VWA8: variants seen among roughly 807,000 people sequenced by gnomAD.
VWA8 encodes the protein von Willebrand factor A domain-containing protein 8.
Under a neutral mutation model 241.5 loss-of-function variants are expected in VWA8, and 221 were observed. That is an observed-to-expected ratio of 0.91 (90% CI 0.82 to 1.02). VWA8 has a LOEUF of 1.02. Ranked by LOEUF, VWA8 falls within the 50% of genes least tolerant of loss-of-function variation. VWA8 has a pLI of 0.00. For synonymous variants in VWA8, 852 were observed against 827.1 expected (o/e 1.03, Z -0.52); for missense variants, 2,322 against 2,328.7 (o/e 1.00, Z 0.06).
At chr13:41,696,501 G>A (rs1040694264) in intron 29 of VWA8, among the ~76,000 whole-genome samples, 7 of 152,118 alleles carry the variant, frequency 4.6e-5, no homozygotes, top group African/African-American at 1.7e-4. Flanking sequence ...CCCCAAATCT[G>A]TAGTGAGTGA....
intron 1 of VWA8, among the ~76,000 whole-genome samples, chr13:41,959,504 A>AC (rs1162562689): frequency 1.1e-4 from 17 of 151,042 alleles, no homozygotes; most frequent in Non-Finnish European, 2.2e-4. Context: ...AAAAAAAAAA[A>AC]AAAAAACAAA....
intron 12 of VWA8, among the ~76,000 whole-genome samples, chr13:41,842,330 G>A (rs1371695794): frequency 1.3e-5 from 2 of 152,072 alleles, no homozygotes; most frequent in Non-Finnish European, 2.9e-5. Context: ...AAAATTATTT[G>A]TAAACTCTTC....
At chr13:41,841,503 T>G (rs970663196) in intron 12 of VWA8, among the ~76,000 whole-genome samples, 15 of 151,818 alleles carry the variant, frequency 9.9e-5, no homozygotes, top group Admixed American at 6.6e-4. Context: ...ATATAAACAG[T>G]AGGCCGGGTG....
intron 20 of VWA8, among the ~76,000 whole-genome samples, chr13:41,774,836 A>T (rs1238582920): frequency 6.6e-6 from 1 of 152,244 alleles, no homozygotes; most frequent in Non-Finnish European, 1.5e-5. Context: ...GATATCACAC[A>T]TATCAATTTA....
In VWA8 at chr13:41,868,235, A is replaced by G. The variant is rs1264929699; in HGVS notation, c.1212+111T>C. 7 of 1,228,196 alleles carry G rather than the reference A, an allele frequency of 5.7e-6. No individual in the cohort carries two copies. The Admixed American group carries it at 1.3e-4, about 22-fold the overall frequency. 76.1% of individuals were successfully genotyped at this position (1,228,196 alleles called of 1,614,324 possible). On this transcript the variant is annotated intron_variant, in intron 10 of 44. Coordinates refer to ENST00000379310, the MANE Select transcript of VWA8 (RefSeq NM_015058.2). ...ACATAGACATATAGATACCGACAGA[A>G]GCAGTACTATCAAGAGAGAAGACTT...
At chr13:41,592,017 G>A (rs1417315671) in intron 40 of VWA8, among the ~76,000 whole-genome samples, 1 of 149,556 alleles carries the variant, frequency 6.7e-6, no homozygotes, top group East Asian at 1.9e-4. Context: ...ACATGCACAC[G>A]TATGTTTATT....
At chr13:41,907,817 G>T in intron 3 of VWA8, 121 bp from the exon 4 acceptor site, 1 of 705,478 alleles carries the variant, frequency 1.4e-6, no homozygotes, top group Non-Finnish European at 2.4e-6. Context: ...CTAATTTTGG[G>T]TTGAAACTTG....
intron 30 of VWA8, among the ~76,000 whole-genome samples, chr13:41,692,376 AT>A (rs952436959): frequency 6.6e-6 from 1 of 151,950 alleles, no homozygotes; most frequent in Non-Finnish European, 1.5e-5. Flanking sequence ...TAAATCCATT[AT>A]TTTTTTCTGA....
chr13:41,734,499 G>A (rs1484178316), intron 21 of VWA8, among the ~76,000 whole-genome samples: 4 of 152,202 alleles, frequency 2.6e-5, no homozygotes, highest in Non-Finnish European at 4.4e-5. Context: ...GTTGCAGTAC[G>A]TACCTTCCCC....
intron 44 of VWA8, 70 bp downstream of exon 44, chr13:41,570,398 T>TA: frequency 1.4e-6 from 2 of 1,404,480 alleles, no homozygotes; most frequent in Non-Finnish European, 2.0e-6. Flanking sequence ...GCTAAGCCTA[T>TA]AAAACAGCAT....
At chr13:41,929,100 C>T (rs1436828672) in intron 2 of VWA8, among the ~76,000 whole-genome samples, 2 of 150,182 alleles carry the variant, frequency 1.3e-5, no homozygotes, top group Non-Finnish European at 3.0e-5. Context: ...AAATAGCCAA[C>T]ATTTCTGAGA....
At chr13:41,801,134 GT>G (rs1267004081) in intron 17 of VWA8, among the ~76,000 whole-genome samples, 1 of 148,488 alleles carries the variant, frequency 6.7e-6, no homozygotes, top group African/African-American at 2.5e-5. Context: ...TTTATTTTTA[GT>G]TTTTCAATTT....
At chr13:41,853,976 T>A (rs1872631865) in intron 12 of VWA8, among the ~76,000 whole-genome samples, 1 of 152,172 alleles carries the variant, frequency 6.6e-6, no homozygotes, top group African/African-American at 2.4e-5. Context: ...GATATACATG[T>A]TTTATATTTT....
intron 16 of VWA8, among the ~76,000 whole-genome samples, chr13:41,816,150 T>C (rs951766271): frequency 1.3e-5 from 2 of 152,314 alleles, no homozygotes; most frequent in East Asian, 3.9e-4. Context: ...TAGTAAGCAG[T>C]TACTAAGAAG....
chr13:41,922,724 A>G (rs1876613564), intron 2 of VWA8, among the ~76,000 whole-genome samples: 1 of 152,250 alleles, frequency 6.6e-6, no homozygotes, highest in Admixed American at 6.5e-5. Flanking sequence ...GCAAAGCAAA[A>G]CCACAATGAG....
chr13:41,734,343 A>G (rs1407610487), intron 21 of VWA8, among the ~76,000 whole-genome samples: 1 of 152,192 alleles, frequency 6.6e-6, no homozygotes, highest in African/African-American at 2.4e-5. Context: ...GTCTAAAAAA[A>G]AACAAATGGT....
At chr13:41,850,438 G>A (rs565361887) in intron 12 of VWA8, among the ~76,000 whole-genome samples, 19 of 152,224 alleles carry the variant, frequency 1.2e-4, no homozygotes, top group African/African-American at 4.6e-4. Flanking sequence ...CATGTACCCT[G>A]GTTCCAGGAC....
intron 37 of VWA8, among the ~76,000 whole-genome samples, chr13:41,639,993 G>A (rs769558699): frequency 5.3e-5 from 8 of 152,238 alleles, no homozygotes; most frequent in Non-Finnish European, 8.8e-5. Flanking sequence ...TAGCAAATGG[G>A]TGGGCCACGC....
rs182119989 is a variant in VWA8 at position 41,886,083 on chromosome 13, T to C, written c.867-55A>G. 3 of 1,221,474 alleles carry C rather than the reference T, an allele frequency of 2.5e-6. No homozygotes were observed. In the Admixed American group the frequency reaches 8.6e-5, roughly 35 times the overall value. The allele number at this position is 1,221,474 out of a possible 1,614,324, so 75.7% of individuals were successfully genotyped here. ...AGTTTTAAAATATAAAATGTGTAAGTTGTTAAATATAAAATACAGGGGCCA... is the reference window on the plus strand; with the variant it reads ...AGTTTTAAAATATAAAATGTGTAAGCTGTTAAATATAAAATACAGGGGCCA... On this transcript the variant is annotated intron_variant, in intron 7 of 44. Transcript: ENST00000379310.
Sources: gnomAD v4.1 joint callset for allele counts (sites outside exome capture counted in the v4.1 genomes callset) on GRCh38, gnomAD v4.1.1 for gene constraint, MANE v1.5 for transcripts, NCBI Gene and HGNC (gene_info 2026-07-23, HGNC 2026-07-21) for gene names.